ZCWPW2: variants seen among roughly 807,000 people sequenced by gnomAD.
ZCWPW2 encodes zinc finger CW-type and PWWP domain containing 2, also known as zinc finger CW-type PWWP domain protein 2.
In ZCWPW2, 45 loss-of-function variants were observed where a neutral mutation model predicts 46.6. That is an observed-to-expected ratio of 0.96 (90% CI 0.76 to 1.24). The LOEUF (loss-of-function observed/expected upper bound fraction) is 1.24. ZCWPW2 is among the 50% of genes most tolerant of loss of function. The probability of loss-of-function intolerance (pLI) is 0.00; values close to 1 mark genes in which losing one functional copy is unlikely to be tolerated. For missense variants in ZCWPW2, 429 were observed against 403.9 expected, an observed-to-expected ratio of 1.06 and a Z score of -0.53; for synonymous variants, 152 against 137.1, an observed-to-expected ratio of 1.11 and a Z score of -0.76.
intron 8 of ZCWPW2, among the ~76,000 whole-genome samples, chr3:28,516,711 T>C (rs1700583360): frequency 6.6e-6 from 1 of 152,060 alleles, no homozygotes; most frequent in Non-Finnish European, 1.5e-5. Context: ...TGTAGTCTTA[T>C]TAAAAGAAAG....
chr3:28,421,584 G>A (rs1477576668), intron 3 of ZCWPW2, among the ~76,000 whole-genome samples: 1 of 151,910 alleles, frequency 6.6e-6, no homozygotes, highest in African/African-American at 2.4e-5. Context: ...TTGTCTGGTT[G>A]CACTCACTGG....
chr3:28,444,336 G>T (rs1249728977), intron 4 of ZCWPW2, among the ~76,000 whole-genome samples: 1 of 152,136 alleles, frequency 6.6e-6, no homozygotes, highest in African/African-American at 2.4e-5. Flanking sequence ...GGTGGCTCCT[G>T]AGGAGAATCA....
chr3:28,458,925 T>C (rs1698523899), intron 4 of ZCWPW2, among the ~76,000 whole-genome samples: 1 of 152,240 alleles, frequency 6.6e-6, no homozygotes, highest in Non-Finnish European at 1.5e-5. Flanking sequence ...CCTTTTAACA[T>C]AGCAGTAACT....
At chr3:28,510,558 C>T (rs1281996176) in intron 6 of ZCWPW2, among the ~76,000 whole-genome samples, 1 of 152,104 alleles carries the variant, frequency 6.6e-6, no homozygotes, top group Non-Finnish European at 1.5e-5. Flanking sequence ...GATTAATCTT[C>T]TTCCTCCAAA....
At chr3:28,464,639 G>A (rs1698755504) in intron 4 of ZCWPW2, among the ~76,000 whole-genome samples, 1 of 152,158 alleles carries the variant, frequency 6.6e-6, no homozygotes, top group Non-Finnish European at 1.5e-5. Context: ...TTCAGCCACA[G>A]AGGACTCAGA....
intron 4 of ZCWPW2, among the ~76,000 whole-genome samples, chr3:28,466,672 A>C (rs1483025613): frequency 6.6e-6 from 1 of 152,010 alleles, no homozygotes; most frequent in Non-Finnish European, 1.5e-5. Flanking sequence ...GGTGGCACAC[A>C]CCTTTAGTCC....
At chr3:28,443,563 G>A (rs368565020) in intron 4 of ZCWPW2, among the ~76,000 whole-genome samples, 1 of 151,496 alleles carries the variant, frequency 6.6e-6, no homozygotes, top group South Asian at 2.1e-4. Context: ...TGATTAACTA[G>A]CCAATACCAG....
At chr3:28,411,212 G>A (rs1160040289) in intron 2 of ZCWPW2, among the ~76,000 whole-genome samples, 2 of 151,602 alleles carry the variant, frequency 1.3e-5, no homozygotes, top group Non-Finnish European at 2.9e-5. Flanking sequence ...TACAAATATA[G>A]TTTATTATTC....
chr3:28,368,485 C>A (rs1288643528), intron 1 of ZCWPW2, among the ~76,000 whole-genome samples: 2 of 152,122 alleles, frequency 1.3e-5, no homozygotes, highest in African/African-American at 4.8e-5. Flanking sequence ...TAAATATTGG[C>A]CCCCACTCTC....
chr3:28,507,083 A>G (rs1700296884), intron 6 of ZCWPW2, among the ~76,000 whole-genome samples: 1 of 152,206 alleles, frequency 6.6e-6, no homozygotes, highest in Non-Finnish European at 1.5e-5. Flanking sequence ...CATAGCCAGT[A>G]AGTGCCAGAA....
intron 3 of ZCWPW2, chr3:28,428,053 A>C (rs1697089504): frequency 1.3e-5 from 2 of 152,018 alleles, no homozygotes; most frequent in Admixed American, 1.3e-4. Flanking sequence ...CTTCTTAGTG[A>C]GGTCTTCTTT....
intron 1 of ZCWPW2, among the ~76,000 whole-genome samples, chr3:28,353,867 T>G (rs1704639427): frequency 6.6e-6 from 1 of 152,160 alleles, no homozygotes; most frequent in Non-Finnish European, 1.5e-5. Flanking sequence ...GTTGGTAGAT[T>G]GTAAGAGAAG....
At chr3:28,491,293 A>G (rs1170327518) in intron 5 of ZCWPW2, among the ~76,000 whole-genome samples, 2 of 152,132 alleles carry the variant, frequency 1.3e-5, no homozygotes, top group Non-Finnish European at 2.9e-5. Flanking sequence ...AGGCATGAAT[A>G]TAGTAACCTG....
intron 1 of ZCWPW2, among the ~76,000 whole-genome samples, chr3:28,365,883 C>T (rs1705104782): frequency 7.1e-6 from 1 of 140,750 alleles, no homozygotes; most frequent in Non-Finnish European, 1.6e-5. Flanking sequence ...AGTTGGATTC[C>T]TAGGTATTTT....
chr3:28,400,166 A>G (rs2125726924), intron 2 of ZCWPW2, among the ~76,000 whole-genome samples: 1 of 152,300 alleles, frequency 6.6e-6, no homozygotes, highest in East Asian at 1.9e-4. Context: ...ATAGAATGGA[A>G]CAAGTAGAAG....
At chr3:28,386,724 A>G (rs942678232) in intron 1 of ZCWPW2, among the ~76,000 whole-genome samples, 1 of 152,140 alleles carries the variant, frequency 6.6e-6, no homozygotes, top group Non-Finnish European at 1.5e-5. Flanking sequence ...ATGATTATAG[A>G]TATTCTAAAA....
At chr3:28,388,478 G>A (rs142421355) in intron 1 of ZCWPW2, among the ~76,000 whole-genome samples, 96 of 152,258 alleles carry the variant, frequency 6.3e-4, no homozygotes, top group Non-Finnish European at 1.2e-3. Context: ...AGAAGAGGTT[G>A]CAAAGTCCAT....
intron 1 of ZCWPW2, among the ~76,000 whole-genome samples, chr3:28,359,972 G>C (rs1422498279): frequency 6.6e-6 from 1 of 152,132 alleles, no homozygotes; most frequent in East Asian, 1.9e-4. Flanking sequence ...TTTGCTAACA[G>C]GATGATATGT....
At chr3:28,431,530 G>C (rs1423860873) in intron 3 of ZCWPW2, among the ~76,000 whole-genome samples, 1 of 151,962 alleles carries the variant, frequency 6.6e-6, no homozygotes, top group Admixed American at 6.6e-5. Flanking sequence ...CTGGATTAGG[G>C]CCTACCCTAA....
Sources: allele counts gnomAD v4.1 joint callset (sites outside exome capture counted in the v4.1 genomes callset), GRCh38; gene constraint gnomAD v4.1.1; transcripts MANE v1.5; gene names NCBI Gene and HGNC (gene_info 2026-07-23, HGNC 2026-07-21).